ANXA8: variants seen among roughly 807,000 people sequenced by gnomAD.
The protein encoded by ANXA8 is annexin A8, also known as VAC-beta.
In ANXA8, 9 loss-of-function variants were observed where a neutral mutation model predicts 26.8. The ratio of observed to expected loss-of-function variants is 0.34; its 90% CI spans 0.20 to 0.59. ANXA8 has a LOEUF of 0.59. Ranked by LOEUF, ANXA8 falls within the 20% of genes least tolerant of loss-of-function variation. ANXA8 has a pLI of 0.84. For missense variants in ANXA8, 83 were observed against 238.5 expected (o/e 0.35, Z 4.29); for synonymous variants, 39 against 94.8 (o/e 0.41, Z 3.42).
the ANXA8 span, among the ~76,000 whole-genome samples, chr10:47,574,087 T>A: frequency 2.9e-5 from 2 of 68,938 alleles, no homozygotes; most frequent in African/African-American, 9.7e-5. Flanking sequence ...TGGGGGGACA[T>A]AATGGTTTAA....
the ANXA8 span, among the ~76,000 whole-genome samples, chr10:47,974,204 G>A: frequency 6.7e-6 from 1 of 150,066 alleles, no homozygotes; most frequent in East Asian, 2.0e-4. Context: ...TTAGTCTGCT[G>A]ACTAAGCTGC....
At chr10:47,626,044 T>A in the ANXA8 span, among the ~76,000 whole-genome samples, 2 of 150,454 alleles carry the variant, frequency 1.3e-5, no homozygotes, top group Non-Finnish European at 2.9e-5. Context: ...TTGCAGAAGA[T>A]TTCTTCCCTT....
the ANXA8 span, among the ~76,000 whole-genome samples, chr10:47,949,176 T>C: frequency 8.4e-6 from 1 of 119,278 alleles, no homozygotes; most frequent in Admixed American, 8.8e-5. Flanking sequence ...TATATATAGT[T>C]ATATATTATA....
the ANXA8 span, among the ~76,000 whole-genome samples, chr10:47,962,314 CA>C: frequency 6.8e-6 from 1 of 147,270 alleles, no homozygotes; most frequent in South Asian, 2.2e-4. Context: ...AAAACCAAGA[CA>C]GGGGAAGCAT....
intron 1 of ANXA8, among the ~76,000 whole-genome samples, chr10:47,480,781 A>G (rs1839748528): frequency 8.9e-6 from 1 of 112,610 alleles, no homozygotes; most frequent in Non-Finnish European, 1.8e-5. Context: ...CTGCCCATCT[A>G]CTTTCCCACC....
intron 11 of ANXA8, among the ~76,000 whole-genome samples, chr10:47,469,992 C>T (rs1432189277): frequency 5.3e-5 from 8 of 151,732 alleles, no homozygotes; most frequent in Admixed American, 1.3e-4. Flanking sequence ...GATCCTCCCG[C>T]GTTGGCCTCC....
At chr10:47,716,001 A>G in the ANXA8 span, 1 of 1,255,690 alleles carries the variant, frequency 8.0e-7, no homozygotes, top group Admixed American at 2.2e-5. Flanking sequence ...CTCCCCGCTC[A>G]GCCTTTCGCG....
the ANXA8 span, among the ~76,000 whole-genome samples, chr10:47,533,225 C>CACACACAAACACACA: frequency 1.0e-5 from 1 of 98,612 alleles, no homozygotes; most frequent in African/African-American, 3.8e-5. Flanking sequence ...ACACACACAC[C>CACACACAAACACACA]CCCGCAGACA....
the ANXA8 span, among the ~76,000 whole-genome samples, chr10:47,514,121 A>G: frequency 7.1e-6 from 1 of 141,576 alleles, no homozygotes; most frequent in Non-Finnish European, 1.5e-5. Flanking sequence ...TTCGCAGTCT[A>G]TACATCTGAC....
chr10:47,502,452 C>G, the ANXA8 span: 9 of 1,612,532 alleles, frequency 5.6e-6, no homozygotes, highest in South Asian at 3.3e-5. Flanking sequence ...TCTCTTCCCT[C>G]GTGGACTTTA....
chr10:47,513,737 C>T, the ANXA8 span, among the ~76,000 whole-genome samples: 6 of 138,930 alleles, frequency 4.3e-5, 1 homozygote, highest in African/African-American at 1.6e-4. Flanking sequence ...AACTCAAATA[C>T]CTATAGCCAA....
the ANXA8 span, among the ~76,000 whole-genome samples, chr10:47,489,930 G>A: frequency 2.0e-5 from 3 of 150,546 alleles, no homozygotes; most frequent in Non-Finnish European, 4.4e-5. Flanking sequence ...GCTTCATTTG[G>A]AGACGCCAGG....
chr10:47,772,069 C>T, the ANXA8 span, among the ~76,000 whole-genome samples: 1 of 151,586 alleles, frequency 6.6e-6, no homozygotes, highest in Non-Finnish European at 1.5e-5. Flanking sequence ...ATAAGCAAAA[C>T]TTGCTGCCAA....
At chr10:47,619,563 G>A in the ANXA8 span, among the ~76,000 whole-genome samples, 29 of 120,444 alleles carry the variant, frequency 2.4e-4, 3 homozygotes, top group African/African-American at 6.7e-4. Flanking sequence ...AATTGTGGCC[G>A]CAGAATTCTG....
the ANXA8 span, among the ~76,000 whole-genome samples, chr10:47,777,862 C>T: frequency 6.6e-6 from 1 of 151,682 alleles, no homozygotes; most frequent in South Asian, 2.1e-4. Context: ...TCAGGAAATC[C>T]TCCCACTTCA....
At chr10:47,595,951 A>G in the ANXA8 span, among the ~76,000 whole-genome samples, 2 of 149,176 alleles carry the variant, frequency 1.3e-5, no homozygotes, top group South Asian at 4.2e-4. Context: ...CAACAACCAC[A>G]ATATATATAT....
chr10:47,502,191 C>T, the ANXA8 span: 1 of 1,541,534 alleles, frequency 6.5e-7, no homozygotes, highest in Non-Finnish European at 8.8e-7. Context: ...GCCATGACGT[C>T]CACCCCGTCA....
the ANXA8 span, among the ~76,000 whole-genome samples, chr10:47,659,076 T>C: frequency 1.9e-4 from 29 of 151,942 alleles, no homozygotes; most frequent in Middle Eastern, 3.4e-3. Context: ...TTTCACCGTG[T>C]TAGCTAGGAT....
chr10:47,726,619 G>T, the ANXA8 span, among the ~76,000 whole-genome samples: 40 of 152,250 alleles, frequency 2.6e-4, no homozygotes, highest in African/African-American at 8.7e-4. Context: ...ATTTAAAAAT[G>T]GATATAGAAT....
Sources: allele counts gnomAD v4.1 joint callset (sites outside exome capture counted in the v4.1 genomes callset), GRCh38; gene constraint gnomAD v4.1.1; transcripts MANE v1.5; gene names NCBI Gene and HGNC (gene_info 2026-07-23, HGNC 2026-07-21).